MICU1: variants seen among roughly 807,000 people sequenced by gnomAD.
The protein encoded by MICU1 is mitochondrial calcium uptake 1.
A neutral mutation model predicts 56.8 loss-of-function variants in MICU1; 45 were observed. The observed-to-expected ratio is 0.79, with a 90% confidence interval of 0.62 to 1.02. The LOEUF (loss-of-function observed/expected upper bound fraction) is 1.02, where lower values mean the gene tolerates loss of function less well. MICU1 is among the 50% of genes least tolerant of loss of function. The probability of loss-of-function intolerance (pLI) is 0.00; values close to 1 mark genes in which losing one functional copy is unlikely to be tolerated. For missense variants in MICU1, 504 were observed against 587.1 expected (o/e 0.86, Z 1.46); for synonymous variants, 186 against 195.1 (o/e 0.95, Z 0.39).
intron 10 of MICU1, 124 bp downstream of exon 10, chr10:72,407,805 T>C: frequency 1.6e-6 from 1 of 622,586 alleles, no homozygotes; most frequent in Non-Finnish European, 2.8e-6. Flanking sequence ...TGTCAACAAA[T>C]CAAAACACCA....
chr10:72,387,805 A>C (rs958539077), intron 10 of MICU1, among the ~76,000 whole-genome samples: 11 of 151,918 alleles, frequency 7.2e-5, no homozygotes, highest in South Asian at 6.2e-4. Context: ...AAAAAAAAAA[A>C]CACTTTTTAT....
intron 9 of MICU1, among the ~76,000 whole-genome samples, chr10:72,415,880 G>A (rs899444939): frequency 1.3e-5 from 2 of 152,138 alleles, no homozygotes; most frequent in Non-Finnish European, 2.9e-5. Flanking sequence ...CCCTGGTGCC[G>A]CCTTCCTAAG....
intron 9 of MICU1, among the ~76,000 whole-genome samples, chr10:72,414,729 T>C (rs1266958519): frequency 1.3e-5 from 2 of 152,190 alleles, no homozygotes; most frequent in African/African-American, 4.8e-5. Context: ...TGTTAAAAAA[T>C]ATGAAGCAGT....
At chr10:72,571,645 G>C (rs1840612917) in intron 1 of MICU1, among the ~76,000 whole-genome samples, 1 of 152,204 alleles carries the variant, frequency 6.6e-6, no homozygotes, top group East Asian at 1.9e-4. Context: ...CAAAGGCAGA[G>C]AGAGCTGACA....
intron 3 of MICU1, among the ~76,000 whole-genome samples, chr10:72,552,743 A>G (rs1840065742): frequency 6.6e-6 from 1 of 151,932 alleles, no homozygotes; most frequent in African/African-American, 2.4e-5. Flanking sequence ...TTTACTAGAG[A>G]TGGTTTCACC....
intron 5 of MICU1, among the ~76,000 whole-genome samples, chr10:72,509,666 C>T (rs980213703): frequency 1.3e-5 from 2 of 152,166 alleles, no homozygotes; most frequent in African/African-American, 4.8e-5. Flanking sequence ...TCTTTTGCGG[C>T]TCACAGAAGG....
chr10:72,480,339 CAGACGGGATCTGCTAA>C (rs1319644777), intron 6 of MICU1, among the ~76,000 whole-genome samples: 1 of 152,176 alleles, frequency 6.6e-6, no homozygotes, highest in East Asian at 1.9e-4. Context: ...AAAATGATTT[CAGACGGGATCTGCTAA>C]ATTTAAGGGG....
At chr10:72,469,054 A>G (rs1865875848) in intron 8 of MICU1, among the ~76,000 whole-genome samples, 1 of 152,192 alleles carries the variant, frequency 6.6e-6, no homozygotes, top group Non-Finnish European at 1.5e-5. Context: ...TTCAGTTTCT[A>G]CATCCAGAAC....
At chr10:72,399,859 G>A (rs1863394346) in intron 10 of MICU1, among the ~76,000 whole-genome samples, 2 of 152,158 alleles carry the variant, frequency 1.3e-5, no homozygotes, top group African/African-American at 2.4e-5. Context: ...TTGGGAGGCT[G>A]AGGCAGGAGA....
chr10:72,566,603 G>A lies in MICU1; in HGVS notation c.161+30C>T, dbSNP rs145045043. On this transcript the variant is annotated intron_variant, in intron 2 of 11. Transcript: ENST00000361114. ...GATGACTGGAAGAATAAAAGTATAC[G>A]CAAGAACAAGATGGTTGGATAACAC... 3.5e-4 allele frequency: 561 copies of A among 1,594,972 alleles called. 1 individual carries two copies. In the African/African-American group the frequency reaches 5.4e-3, roughly 15 times the overall value.
chr10:72,477,517 T>C, intron 6 of MICU1: 1 of 1,535,758 alleles, frequency 6.5e-7, no homozygotes, highest in Non-Finnish European at 8.7e-7. Flanking sequence ...ATGCTTTGCC[T>C]TAAATGATTT....
chr10:72,586,421 C>T (rs1249111276), intron 1 of MICU1, among the ~76,000 whole-genome samples: 3 of 151,982 alleles, frequency 2.0e-5, no homozygotes, highest in East Asian at 1.9e-4. Flanking sequence ...GAGGCCAAGG[C>T]GGGTGGATCA....
chr10:72,620,051 G>GA (rs1202412999), intron 1 of MICU1, among the ~76,000 whole-genome samples: 1 of 151,906 alleles, frequency 6.6e-6, no homozygotes, highest in African/African-American at 2.4e-5. Flanking sequence ...TAAAAAAAAG[G>GA]AAAAAAACAG....
intron 6 of MICU1, among the ~76,000 whole-genome samples, chr10:72,486,912 A>T (rs919174503): frequency 6.6e-6 from 1 of 152,252 alleles, no homozygotes; most frequent in Non-Finnish European, 1.5e-5. Flanking sequence ...ACATGTCTGA[A>T]CAGGATCTAA....
chr10:72,543,651 C>T (rs917116156), intron 4 of MICU1, among the ~76,000 whole-genome samples: 2 of 152,136 alleles, frequency 1.3e-5, no homozygotes, highest in East Asian at 1.9e-4. Flanking sequence ...GTCAGGAGAT[C>T]GAGACCATCC....
intron 1 of MICU1, among the ~76,000 whole-genome samples, chr10:72,589,776 C>G (rs1188157794): frequency 6.6e-6 from 1 of 151,882 alleles, no homozygotes; most frequent in Admixed American, 6.6e-5. Flanking sequence ...ACCATAGGAG[C>G]AAAGATAGAT....
At chr10:72,479,908 A>C (rs1313582878) in intron 6 of MICU1, among the ~76,000 whole-genome samples, 1 of 152,162 alleles carries the variant, frequency 6.6e-6, no homozygotes, top group African/African-American at 2.4e-5. Flanking sequence ...ATTTTGTCAC[A>C]CTTGGCCCAC....
At chr10:72,447,961 C>G (rs1040506406) in intron 8 of MICU1, among the ~76,000 whole-genome samples, 3 of 151,924 alleles carry the variant, frequency 2.0e-5, no homozygotes, top group Non-Finnish European at 4.4e-5. Context: ...ATTCTTCAGT[C>G]TCCAGAGCTC....
chr10:72,500,302 A>ATATATAATT (rs1867021751), intron 6 of MICU1, among the ~76,000 whole-genome samples: 1 of 10,680 alleles, frequency 9.4e-5, no homozygotes. Flanking sequence ...ATATATATAT[A>ATATATAATT]TTTTTTTTTT....
Sources: gnomAD v4.1 joint callset for allele counts (sites outside exome capture counted in the v4.1 genomes callset) on GRCh38, gnomAD v4.1.1 for gene constraint, MANE v1.5 for transcripts, NCBI Gene and HGNC (gene_info 2026-07-23, HGNC 2026-07-21) for gene names.